PLCL2: variants seen among roughly 807,000 people sequenced by gnomAD.
PLCL2 encodes inactive phospholipase C-like protein 2.
A neutral mutation model predicts 79.6 loss-of-function variants in PLCL2; 4 were observed. The observed-to-expected ratio is 0.05, with a 90% confidence interval of 0.02 to 0.11. The LOEUF (loss-of-function observed/expected upper bound fraction) is 0.11. Among genes scored for constraint, PLCL2 ranks in the 10% least tolerant of loss-of-function variants. PLCL2 has a pLI of 1.00. For missense variants in PLCL2, 895 were observed against 1,291.0 expected, an observed-to-expected ratio of 0.69 and a Z score of 4.70; for synonymous variants, 484 against 457.7, an observed-to-expected ratio of 1.06 and a Z score of -0.73.
chr3:16,934,567 A>G (rs1188753666), intron 1 of PLCL2, among the ~76,000 whole-genome samples: 1 of 152,134 alleles, frequency 6.6e-6, no homozygotes. Context: ...ACATAAGGCT[A>G]TGGGAGGCCA....
At chr3:17,008,684 A>T (rs1359620699) in intron 1 of PLCL2, among the ~76,000 whole-genome samples, 6 of 152,098 alleles carry the variant, frequency 3.9e-5, no homozygotes, top group Admixed American at 3.9e-4. Flanking sequence ...TATGACCTGT[A>T]CAGTTGCACA....
rs551669406 is a variant in PLCL2, at chr3:16,992,087, G to C, written c.328-17587G>C. On this transcript the variant is annotated intron_variant, in intron 1 of 5. Transcript: ENST00000615277. ...GATATTAGAGAGTCCAAGATTGTCAGTGGTGACATGTGATAGTAGTGATGT... is the reference window on the plus strand; with the variant it reads ...GATATTAGAGAGTCCAAGATTGTCACTGGTGACATGTGATAGTAGTGATGT... Among the ~76,000 whole-genome samples, 4 of 152,328 alleles carry C rather than the reference G, an allele frequency of 2.6e-5. No individual in the cohort carries two copies. The South Asian group carries it at 8.3e-4, about 32-fold the overall frequency.
At chr3:16,923,251 G>A (rs996939191) in intron 1 of PLCL2, among the ~76,000 whole-genome samples, 7 of 152,200 alleles carry the variant, frequency 4.6e-5, no homozygotes, top group African/African-American at 1.7e-4. Flanking sequence ...CCACCCTGGT[G>A]ATTTGAGAGT....
chr3:16,894,637 CTA>C (rs1279977560), intron 1 of PLCL2, among the ~76,000 whole-genome samples: 2 of 152,060 alleles, frequency 1.3e-5, no homozygotes, highest in Non-Finnish European at 2.9e-5. Context: ...TTGATTGTAA[CTA>C]TTGTGACGGT....
At chr3:16,981,531 G>A (rs1248273543) in intron 1 of PLCL2, among the ~76,000 whole-genome samples, 1 of 152,100 alleles carries the variant, frequency 6.6e-6, no homozygotes, top group Non-Finnish European at 1.5e-5. Flanking sequence ...TGGTTATTTG[G>A]TTCAATTGTA....
chr3:17,060,563 G>A (rs924258553), intron 4 of PLCL2, among the ~76,000 whole-genome samples: 1 of 152,114 alleles, frequency 6.6e-6, no homozygotes, highest in Admixed American at 6.5e-5. Context: ...TCAGACCTCC[G>A]GAGTTTTGAG....
intron 5 of PLCL2, among the ~76,000 whole-genome samples, chr3:17,083,453 G>A (rs2065184247): frequency 6.6e-6 from 1 of 152,174 alleles, no homozygotes; most frequent in Non-Finnish European, 1.5e-5. Context: ...GTGAGTGAAG[G>A]AAGTCAGATG....
chr3:16,904,968 A>G (rs538369117), intron 1 of PLCL2, among the ~76,000 whole-genome samples: 1 of 152,240 alleles, frequency 6.6e-6, no homozygotes, highest in East Asian at 1.9e-4. Flanking sequence ...TTCTTTTATG[A>G]ATTATCTAGT....
At chr3:16,918,466 A>G (rs544780582) in intron 1 of PLCL2, among the ~76,000 whole-genome samples, 20 of 152,314 alleles carry the variant, frequency 1.3e-4, no homozygotes, top group African/African-American at 4.8e-4. Context: ...TCAAAGAATA[A>G]TAGGTGAGTC....
intron 1 of PLCL2, among the ~76,000 whole-genome samples, chr3:16,981,397 C>T (rs1559507233): frequency 1.3e-5 from 2 of 152,164 alleles, no homozygotes; most frequent in African/African-American, 4.8e-5. Context: ...AAAGAGTCAA[C>T]AGTAATCTAA....
chr3:17,011,461 G>A lies in PLCL2; in HGVS notation c.2115G>A (p.Gln705=). ...GCCAAATTGTAGCCATGAACTTTCA[G>A]ACACCAGGACTGATGATGGACCTGA... ...CGCQIVAMNF[Q]TPGLMMDLNI... is the part of the protein sequence containing the mutation. Residue 705 remains glutamine, a synonymous_variant, in exon 2 of 6, where the codon CAG becomes CAA. Transcript: ENST00000615277. The surrounding 1 kb of genome is among the most constrained non-coding windows in gnomAD (Gnocchi z 7.9). 1 of 1,614,130 alleles carries A rather than the reference G, an allele frequency of 6.2e-7. No homozygotes were observed.
At chr3:17,022,919 T>C (rs2064471792) in intron 3 of PLCL2, among the ~76,000 whole-genome samples, 1 of 152,226 alleles carries the variant, frequency 6.6e-6, no homozygotes, top group South Asian at 2.1e-4. Context: ...GTTATTCGTT[T>C]TGGACTGTAA....
chr3:17,081,128 C>T (rs886852284), intron 5 of PLCL2: 8 of 455,324 alleles, frequency 1.8e-5, no homozygotes, highest in Admixed American at 1.2e-4. Context: ...CTTTGTGGAG[C>T]AGGTGGTATC....
At chr3:17,022,448 C>T (rs1300514383) in intron 3 of PLCL2, among the ~76,000 whole-genome samples, 1 of 151,972 alleles carries the variant, frequency 6.6e-6, no homozygotes, top group Non-Finnish European at 1.5e-5. Context: ...AAGGTGCCTC[C>T]TAAGTTCTTT....
At chr3:16,919,201 G>C (rs1014897848) in intron 1 of PLCL2, among the ~76,000 whole-genome samples, 1 of 152,120 alleles carries the variant, frequency 6.6e-6, no homozygotes, top group Non-Finnish European at 1.5e-5. Context: ...GTTCTTCTGA[G>C]TTTAATAGTG....
At chr3:16,902,868 G>A (rs1038158401) in intron 1 of PLCL2, among the ~76,000 whole-genome samples, 1 of 148,852 alleles carries the variant, frequency 6.7e-6, no homozygotes, top group Admixed American at 6.7e-5. Flanking sequence ...GTGTGTGTGT[G>A]TGTGTGTGTG....
At chr3:16,927,422 T>C (rs919294559) in intron 1 of PLCL2, among the ~76,000 whole-genome samples, 3 of 152,236 alleles carry the variant, frequency 2.0e-5, no homozygotes, top group Non-Finnish European at 4.4e-5. Context: ...AACATTCTGA[T>C]CAAACCTTTT....
At chr3:17,045,236 CAA>C (rs2064768491) in intron 4 of PLCL2, among the ~76,000 whole-genome samples, 1 of 152,062 alleles carries the variant, frequency 6.6e-6, no homozygotes, top group Admixed American at 6.6e-5. Flanking sequence ...CAAAGTGCTG[CAA>C]GAGAGGATTA....
chr3:17,014,354 T>C (rs1460477894), intron 2 of PLCL2, among the ~76,000 whole-genome samples: 1 of 152,220 alleles, frequency 6.6e-6, no homozygotes, highest in Non-Finnish European at 1.5e-5. Context: ...CTCCTAAATC[T>C]TTACCCTCTT....
Sources: allele counts gnomAD v4.1 joint callset (sites outside exome capture counted in the v4.1 genomes callset), GRCh38; gene constraint gnomAD v4.1.1; non-coding constraint Gnocchi (gnomAD v3.1); transcripts MANE v1.5; gene names NCBI Gene and HGNC (gene_info 2026-07-23, HGNC 2026-07-21).